Variants in KRT80 observed in about 807,000 individuals in gnomAD.
KRT80 encodes keratin 80.
KRT80 carries 36 observed loss-of-function variants against 51.5 expected under a neutral mutation model. The observed-to-expected ratio is 0.70, with a 90% CI of 0.54 to 0.92. The LOEUF (loss-of-function observed/expected upper bound fraction) is 0.92. Ranked by LOEUF, KRT80 falls within the 40% of genes least tolerant of loss-of-function variation. The pLI is 0.00. For synonymous variants in KRT80, 235 were observed against 248.3 expected, an observed-to-expected ratio of 0.95 and a Z score of 0.50; for missense variants, 566 against 591.7, an observed-to-expected ratio of 0.96 and a Z score of 0.45.
At chr12:52,175,439 G>A (rs1049773898) in intron 4 of KRT80, among the ~76,000 whole-genome samples, 14 of 151,996 alleles carry the variant, frequency 9.2e-5, no homozygotes, top group Non-Finnish European at 1.6e-4. Context: ...GACTCTGGGC[G>A]CCCTCCTGAT....
chr12:52,184,707 A>G (rs2120929949), intron 2 of KRT80, among the ~76,000 whole-genome samples: 1 of 152,342 alleles, frequency 6.6e-6, no homozygotes, highest in Middle Eastern at 3.4e-3. Flanking sequence ...TTCTGGGCTA[A>G]TGCCCAAGCC....
At chr12:52,177,008 T>C (rs1046887306) in intron 4 of KRT80, among the ~76,000 whole-genome samples, 2 of 152,194 alleles carry the variant, frequency 1.3e-5, no homozygotes, top group Non-Finnish European at 2.9e-5. Context: ...ATTTTATAGA[T>C]GGGGAAATTG....
intron 1 of KRT80, among the ~76,000 whole-genome samples, chr12:52,189,047 G>A (rs996653333): frequency 1.3e-5 from 2 of 152,154 alleles, no homozygotes; most frequent in African/African-American, 2.4e-5. Context: ...CCAGCAAGTG[G>A]AAGAAACCAC....
At chr12:52,189,893 C>T (rs1275561400) in intron 1 of KRT80, among the ~76,000 whole-genome samples, 3 of 152,246 alleles carry the variant, frequency 2.0e-5, no homozygotes, top group African/African-American at 4.8e-5. Flanking sequence ...ATCCCCATGG[C>T]AGGGGCACAG....
chr12:52,171,563 G>C (rs1941103149), intron 8 of KRT80, 41 bp from the exon 9 acceptor site: 1 of 1,613,614 alleles, frequency 6.2e-7, no homozygotes, highest in Non-Finnish European at 8.5e-7. Context: ...AGGGGCTGGA[G>C]GTTTGGGAGC....
intron 3 of KRT80, 142 bp downstream of exon 3, chr12:52,180,761 G>C: frequency 1.3e-6 from 2 of 1,584,150 alleles, no homozygotes; most frequent in Non-Finnish European, 1.7e-6. Context: ...GGGGATGGGG[G>C]TATCTCCCTG....
chr12:52,172,068 T>A, intron 7 of KRT80, 130 bp downstream of exon 7: 1 of 982,658 alleles, frequency 1.0e-6, no homozygotes, highest in Non-Finnish European at 1.5e-6. Context: ...TGTAAGTGAC[T>A]AAGCCAAGAC....
intron 6 of KRT80, among the ~76,000 whole-genome samples, chr12:52,172,836 G>A (rs529524999): frequency 5.3e-5 from 8 of 152,294 alleles, no homozygotes; most frequent in African/African-American, 1.4e-4. Flanking sequence ...AGATTACAGA[G>A]TATTTTTGTA....
chr12:52,180,732 C>G (rs766100557), intron 3 of KRT80, 124 bp from the exon 4 acceptor site: 1 of 1,597,466 alleles, frequency 6.3e-7, no homozygotes, highest in Non-Finnish European at 8.5e-7. Flanking sequence ...GGCTCAGAGC[C>G]TCGAAAAAGG....
chr12:52,176,217 A>G (rs1415195836), intron 4 of KRT80, among the ~76,000 whole-genome samples: 1 of 152,242 alleles, frequency 6.6e-6, no homozygotes, highest in Non-Finnish European at 1.5e-5. Flanking sequence ...GCCGGGCTGC[A>G]GAGAGTATGA....
chr12:52,174,216 T>C (rs780320019), intron 4 of KRT80, among the ~76,000 whole-genome samples: 14 of 152,302 alleles, frequency 9.2e-5, no homozygotes, highest in South Asian at 6.2e-4. Flanking sequence ...GAGCAGCTCC[T>C]TGTGGGCCTG....
chr12:52,173,690 G>A lies in KRT80; in HGVS notation c.741C>T (p.Asp247=). The change falls in exon 5 of 9, where the codon GAC becomes GAT. Residue 247 remains aspartate, a synonymous_variant. Transcript: ENST00000394815. ...TCACCTCCTCCACGATGCCGCTCAGGTCGATGTGGCAGCGGCTGTCCATGC... is the reference window on the plus strand; with the variant it reads ...TCACCTCCTCCACGATGCCGCTCAGATCGATGTGGCAGCGGCTGTCCATGC... ...TVGMDSRCHI[D]LSGIVEEVKA... 6.2e-7 allele frequency: 1 copy of A among 1,612,982 alleles called. No individual in the cohort carries two copies. Among genetic ancestry groups the A allele is most frequent in the Non-Finnish European group, 8.5e-7 (1 of 1,180,034 alleles).
At chr12:52,187,375 A>G (rs1941422476) in intron 1 of KRT80, among the ~76,000 whole-genome samples, 1 of 152,198 alleles carries the variant, frequency 6.6e-6, no homozygotes, top group African/African-American at 2.4e-5. Flanking sequence ...AGGGGTGTCA[A>G]GTGACTTCTC....
intron 8 of KRT80, 33 bp downstream of exon 8, chr12:52,171,625 C>G: frequency 6.2e-7 from 1 of 1,601,062 alleles, no homozygotes. Flanking sequence ...TCACCCTCAC[C>G]CCACCATGGG....
intron 4 of KRT80, among the ~76,000 whole-genome samples, chr12:52,174,867 A>G (rs1364768139): frequency 6.6e-6 from 1 of 152,052 alleles, no homozygotes; most frequent in Non-Finnish European, 1.5e-5. Context: ...AGGGATCTCT[A>G]GAGGTTGCAA....
chr12:52,188,118 C>G (rs1941432520), intron 1 of KRT80, among the ~76,000 whole-genome samples: 1 of 152,066 alleles, frequency 6.6e-6, no homozygotes, highest in East Asian at 1.9e-4. Flanking sequence ...TTGGGACCTT[C>G]CTTGCAGAAA....
At chr12:52,178,349 AC>A (rs1354666824) in intron 4 of KRT80, among the ~76,000 whole-genome samples, 1 of 152,152 alleles carries the variant, frequency 6.6e-6, no homozygotes, top group African/African-American at 2.4e-5. Context: ...GCACTCTCTG[AC>A]CCAAAGCTCC....
intron 4 of KRT80, among the ~76,000 whole-genome samples, chr12:52,179,990 ATGGGCCCTTGTACAC>A (rs1941292924): frequency 6.6e-6 from 1 of 152,224 alleles, no homozygotes; most frequent in Admixed American, 6.5e-5. Flanking sequence ...CCATGCTGTT[ATGGGCCCTTGTACAC>A]TGGGCCCCAC....
At chr12:52,175,879 A>G (rs377365816) in intron 4 of KRT80, among the ~76,000 whole-genome samples, 5 of 152,176 alleles carry the variant, frequency 3.3e-5, no homozygotes, top group Admixed American at 1.3e-4. Context: ...ATGTGGCACC[A>G]GCACCCTGGC....
Sources: allele counts gnomAD v4.1 joint callset (sites outside exome capture counted in the v4.1 genomes callset), GRCh38; gene constraint gnomAD v4.1.1; transcripts MANE v1.5; gene names NCBI Gene and HGNC (gene_info 2026-07-23, HGNC 2026-07-21).